FOLH1: variants seen among roughly 807,000 people sequenced by gnomAD.
The protein encoded by FOLH1 is glutamate carboxypeptidase 2.
Under a neutral mutation model 93.9 loss-of-function variants are expected in FOLH1, and 54 were observed. The ratio of observed to expected loss-of-function variants is 0.57; its 90% CI spans 0.46 to 0.72. FOLH1 has a LOEUF of 0.72. Ranked by LOEUF, FOLH1 falls within the 30% of genes least tolerant of loss-of-function variation. The pLI is 0.00. For synonymous variants in FOLH1, 249 were observed against 303.6 expected (o/e 0.82, Z 1.87); for missense variants, 571 against 892.5 (o/e 0.64, Z 4.59).
intron 6 of FOLH1, among the ~76,000 whole-genome samples, chr11:49,185,362 A>G (rs1227430300): frequency 6.6e-6 from 1 of 152,158 alleles, no homozygotes; most frequent in African/African-American, 2.4e-5. Context: ...AAATATTTAT[A>G]TACTTTTTCC....
Position 49,192,834 on chromosome 11 carries a change from C to A in FOLH1, c.472G>T (p.Val158Leu). The A allele has an allele frequency of 1.2e-6, 2 of 1,607,306 alleles. No homozygotes were observed. Among genetic ancestry groups the A allele is most frequent in the South Asian group, 1.1e-5 (1 of 90,044 alleles). The change falls in exon 4 of 19, where the codon GTA becomes TTA. Residue 158 changes from valine to leucine, a missense_variant. Physicochemically the swap from Val to Leu is conservative, Grantham distance 32. Around this residue, in one of 2 missense-constraint regions of FOLH1, gnomAD observed 500 missense variants for 822.9 expected, o/e 0.61. Coordinates refer to ENST00000256999, the MANE Select transcript of FOLH1 (RefSeq NM_004476.3). ...GGAGAGAAAGCACTGAAAGGTGGTACAATATCCGAAACATTTTCATATCCT... is the reference window on the plus strand; with the variant it reads ...GGAGAGAAAGCACTGAAAGGTGGTAAAATATCCGAAACATTTTCATATCCT... ...PPGYENVSDIVPPFSAFSPQG... is the reference protein window; with the variant it reads ...PPGYENVSDILPPFSAFSPQG...
intron 18 of FOLH1, among the ~76,000 whole-genome samples, chr11:49,148,145 T>A (rs1855996569): frequency 6.6e-6 from 1 of 151,774 alleles, no homozygotes; most frequent in African/African-American, 2.4e-5. Context: ...CAGAAAAAAA[T>A]CCAACTGTCA....
intron 4 of FOLH1, among the ~76,000 whole-genome samples, chr11:49,191,757 G>T (rs1371421793): frequency 6.6e-6 from 1 of 152,122 alleles, no homozygotes; most frequent in Non-Finnish European, 1.5e-5. Context: ...GAGTGCAGTG[G>T]CACAATCTCA....
Position 49,154,246 on chromosome 11 carries a change from T to A in FOLH1, c.1870A>T (p.Thr624Ser). ...AACATACCAAATGATACACTGTATG[T>A]CTTCATTTCCTGTGGATGTTTCATA... ...ISMKHPQEMK[T>S]YSVSFDSLFS... Residue 624 changes from threonine (T) to serine (S), a missense_variant, in exon 16 of 19, where the codon ACA (threonine) becomes TCA (serine). Physicochemically the swap from Thr to Ser is moderately conservative, Grantham distance 58. Transcript: ENST00000256999. 1 of 1,613,430 alleles carries A rather than the reference T, an allele frequency of 6.2e-7. No individual in the cohort carries two copies. The highest frequency in any genetic ancestry group is 8.5e-7 in the Non-Finnish European group (1 of 1,179,526).
chr11:49,160,697 C>T (rs1317162340), intron 13 of FOLH1, among the ~76,000 whole-genome samples: 2 of 152,166 alleles, frequency 1.3e-5, no homozygotes, highest in African/African-American at 4.8e-5. Flanking sequence ...CCTCCTCGGC[C>T]TCCCAAAGTG....
At chr11:49,189,538 C>A (rs115293581) in intron 4 of FOLH1, among the ~76,000 whole-genome samples, 2 of 152,180 alleles carry the variant, frequency 1.3e-5, no homozygotes, top group East Asian at 3.9e-4. Context: ...GGAATTAAGT[C>A]TTACTAAACT....
At chr11:49,180,000 C>T (rs573313489) in intron 7 of FOLH1, among the ~76,000 whole-genome samples, 4 of 152,218 alleles carry the variant, frequency 2.6e-5, no homozygotes, top group African/African-American at 7.2e-5. Flanking sequence ...AAAGGTCTCC[C>T]GAGCAGAGGC....
chr11:49,153,868 G>C lies in FOLH1; in HGVS notation c.1948C>G (p.Leu650Val). ...TEIASKFSER[L>V]QDFDKSNPIV... ...TACTTGCTTTTGTCAAAGTCCTGGAGTCTCTCACTGAACTTGGAAGCAATT... is the reference window on the plus strand; with the variant it reads ...TACTTGCTTTTGTCAAAGTCCTGGACTCTCTCACTGAACTTGGAAGCAATT... The change falls in exon 17 of 19, where the codon CTC becomes GTC. Residue 650 changes from leucine (L) to valine (V), a missense_variant. By Grantham distance (32) the Leu-to-Val change is conservative. Around this residue, in one of 2 missense-constraint regions of FOLH1, gnomAD observed 500 missense variants for 822.9 expected, o/e 0.61. Coordinates refer to ENST00000256999, the MANE Select transcript of FOLH1 (RefSeq NM_004476.3). The C allele has an allele frequency of 6.2e-7, 1 of 1,606,786 alleles. No homozygotes were observed. The highest frequency in any genetic ancestry group is 8.5e-7 in the Non-Finnish European group (1 of 1,176,350).
chr11:49,202,129 T>G (rs1213365555), intron 2 of FOLH1, among the ~76,000 whole-genome samples: 2 of 152,140 alleles, frequency 1.3e-5, no homozygotes, highest in East Asian at 3.9e-4. Flanking sequence ...GTGTCTTGAG[T>G]TTCTCATCTG....
At chr11:49,169,282 AAT>A in intron 11 of FOLH1, 24 bp from the exon 12 acceptor site, 1 of 1,607,032 alleles carries the variant, frequency 6.2e-7, no homozygotes, top group Non-Finnish European at 8.5e-7. Context: ...GAAAACTATA[AAT>A]ATAAAGTTAT....
intron 13 of FOLH1, among the ~76,000 whole-genome samples, chr11:49,163,831 T>C (rs1019787156): frequency 2.0e-5 from 3 of 151,706 alleles, no homozygotes; most frequent in African/African-American, 7.3e-5. Context: ...CCTGGTGGAG[T>C]GGGTTCACAA....
At chr11:49,184,101 A>G (rs1861099776) in intron 6 of FOLH1, among the ~76,000 whole-genome samples, 1 of 152,188 alleles carries the variant, frequency 6.6e-6, no homozygotes, top group Non-Finnish European at 1.5e-5. Context: ...TTTTAAAACA[A>G]TCTAATAAGA....
Position 49,206,183 on chromosome 11 carries a change from C to T in FOLH1, c.119-11G>A, listed in dbSNP as rs748923031. 3 of 1,610,390 alleles carry T rather than the reference C, an allele frequency of 1.9e-6. No individual in the cohort carries two copies. The highest frequency in any genetic ancestry group is 3.4e-5 in the Admixed American group (2 of 59,552). On this transcript the variant is annotated splice_polypyrimidine_tract_variant and intron_variant, in intron 1 of 18. Transcript: ENST00000256999. ...ATTTTATAAACCACCCTGAAAAATACATCCAAAAATAGGCATGAGATACGA... is the reference window on the plus strand; with the variant it reads ...ATTTTATAAACCACCCTGAAAAATATATCCAAAAATAGGCATGAGATACGA...
chr11:49,196,739 A>T (rs935350746), intron 3 of FOLH1, among the ~76,000 whole-genome samples: 1 of 152,220 alleles, frequency 6.6e-6, no homozygotes, highest in Non-Finnish European at 1.5e-5. Context: ...GAAAGGATGT[A>T]CTTTAAGATA....
At chr11:49,171,396 T>C (rs1859265480) in intron 10 of FOLH1, 119 bp from the exon 11 acceptor site, 1 of 1,314,664 alleles carries the variant, frequency 7.6e-7, no homozygotes, top group East Asian at 2.7e-5. Context: ...GAAGGGCAAA[T>C]TGTAGTAAAA....
chr11:49,206,722 G>A (rs1864012136), intron 1 of FOLH1: 1 of 1,522,136 alleles, frequency 6.6e-7, no homozygotes, highest in Admixed American at 2.0e-5. Flanking sequence ...TGCGTTTCCA[G>A]TGAAGTAGGC....
chr11:49,202,024 A>C (rs1429094489), intron 2 of FOLH1, among the ~76,000 whole-genome samples: 1 of 152,212 alleles, frequency 6.6e-6, no homozygotes, highest in African/African-American at 2.4e-5. Flanking sequence ...AGGAGAAAAA[A>C]AGATCCATTG....
intron 4 of FOLH1, among the ~76,000 whole-genome samples, chr11:49,189,827 T>A (rs1331400734): frequency 6.6e-6 from 1 of 152,056 alleles, no homozygotes; most frequent in Non-Finnish European, 1.5e-5. Flanking sequence ...ATAGAAAAAA[T>A]TAAAAAGCAT....
In FOLH1 at chr11:49,208,384, T is replaced by C. The variant is rs1430471444; in HGVS notation, c.26A>G (p.Asp9Gly). 3.1e-6 allele frequency: 5 copies of C among 1,603,450 alleles called. No individual in the cohort carries two copies. Among genetic ancestry groups the C allele is most frequent in the Non-Finnish European group, 4.3e-6 (5 of 1,173,938 alleles). MWNLLHET[D>G]SAVATARRPR... is the part of the protein sequence containing the mutation. ...GCGGCGCGCGGTGGCCACAGCCGAG[T>C]CGGTTTCGTGAAGGAGATTCCACAT... Residue 9 changes from aspartate (D) to glycine (G), a missense_variant, in exon 1 of 19, where the codon GAC becomes GGC. This residue lies in a region of FOLH1 where 71 missense variants were observed against 69.6 expected (regional missense o/e 1.02). Coordinates refer to ENST00000256999, the MANE Select transcript of FOLH1 (RefSeq NM_004476.3).
Sources: gnomAD v4.1 joint callset for allele counts (sites outside exome capture counted in the v4.1 genomes callset) on GRCh38, gnomAD v4.1.1 for gene constraint, gnomAD v4.1.1 regional missense constraint, MANE v1.5 for transcripts, NCBI Gene and HGNC (gene_info 2026-07-23, HGNC 2026-07-21) for gene names.